Variants in PLEKHA7 observed in about 807,000 individuals in gnomAD.
The protein encoded by PLEKHA7 is pleckstrin homology domain-containing family A member 7.
A neutral mutation model predicts 170.0 loss-of-function variants in PLEKHA7; 104 were observed. The ratio of observed to expected loss-of-function variants is 0.61; its 90% CI spans 0.52 to 0.72. The LOEUF is 0.72. Ranked by LOEUF, PLEKHA7 falls within the 30% of genes least tolerant of loss-of-function variation. PLEKHA7 has a pLI of 0.00. For synonymous variants in PLEKHA7, 648 were observed against 660.8 expected (o/e 0.98, Z 0.30); for missense variants, 1,615 against 1,671.7 (o/e 0.97, Z 0.59).
intron 3 of PLEKHA7, among the ~76,000 whole-genome samples, chr11:16,918,776 C>T (rs1292485712): frequency 1.3e-5 from 2 of 152,100 alleles, no homozygotes; most frequent in African/African-American, 4.8e-5. Context: ...CACTTTTTTC[C>T]TTTAAATAGA....
At chr11:16,899,461 C>A (rs1031803429) in intron 3 of PLEKHA7, among the ~76,000 whole-genome samples, 4 of 152,184 alleles carry the variant, frequency 2.6e-5, no homozygotes, top group African/African-American at 9.7e-5. Context: ...CACGCCATTG[C>A]ACTCCAGCGC....
chr11:16,914,001 T>C (rs1265307685), intron 3 of PLEKHA7, among the ~76,000 whole-genome samples: 3 of 152,210 alleles, frequency 2.0e-5, no homozygotes, highest in Non-Finnish European at 4.4e-5. Flanking sequence ...GCAATCTAAA[T>C]GCCTAACTAT....
chr11:16,917,742 G>A (rs529893277), intron 3 of PLEKHA7, among the ~76,000 whole-genome samples: 3 of 152,296 alleles, frequency 2.0e-5, no homozygotes, highest in Admixed American at 6.5e-5. Context: ...ACAGGTTCTG[G>A]GTATTAGCAC....
At chr11:16,782,497 AC>A (rs1849110344) in intron 26 of PLEKHA7, among the ~76,000 whole-genome samples, 1 of 151,854 alleles carries the variant, frequency 6.6e-6, no homozygotes, top group African/African-American at 2.4e-5. Context: ...TCCTCCTGGG[AC>A]CTTTTTCCCC....
chr11:16,956,181 A>G (rs997963676), intron 3 of PLEKHA7, among the ~76,000 whole-genome samples: 1 of 152,068 alleles, frequency 6.6e-6, no homozygotes, highest in Non-Finnish European at 1.5e-5. Context: ...ACACATACGT[A>G]CCTATTTTGT....
chr11:16,942,362 C>T (rs1860753050), intron 3 of PLEKHA7, among the ~76,000 whole-genome samples: 1 of 152,178 alleles, frequency 6.6e-6, no homozygotes, highest in South Asian at 2.1e-4. Flanking sequence ...TGACATCCTG[C>T]CTCTGGTTTT....
Position 16,854,967 on chromosome 11 carries a change from G to A in PLEKHA7, c.444C>T (p.His148=). ...PKIIKSSSKV[H]SFGKRDQAIR... Reference sequence around the variant, plus strand: ...TGGCCTGGTCTCTCTTCCCAAAGCTGTGGACTTTACTGCTGGACTTTATGA... The same window carrying A: ...TGGCCTGGTCTCTCTTCCCAAAGCTATGGACTTTACTGCTGGACTTTATGA... Residue 148 remains histidine (H), a synonymous_variant, in exon 6 of 27, where the codon CAC becomes CAT. Transcript: ENST00000531066. 1 of 1,614,130 alleles carries A rather than the reference G, an allele frequency of 6.2e-7. No homozygotes were observed. Among genetic ancestry groups the A allele is most frequent in the Non-Finnish European group, 8.5e-7 (1 of 1,180,004 alleles).
chr11:16,891,070 C>CTCTAT (rs147769098), intron 3 of PLEKHA7, among the ~76,000 whole-genome samples: 65,566 of 149,726 alleles, frequency 0.44, 14,989 homozygotes, highest in Non-Finnish European at 0.52. Context: ...GACTATTATT[C>CTCTAT]TCTATTCTAT....
intron 3 of PLEKHA7, among the ~76,000 whole-genome samples, chr11:16,947,745 G>T (rs988577384): frequency 3.3e-5 from 5 of 151,358 alleles, no homozygotes; most frequent in Non-Finnish European, 2.9e-5. Flanking sequence ...GTGAAACCCC[G>T]TCTCTACTAA....
chr11:16,805,096 G>A (rs778986756), intron 13 of PLEKHA7, among the ~76,000 whole-genome samples: 2 of 152,180 alleles, frequency 1.3e-5, no homozygotes, highest in African/African-American at 2.4e-5. Flanking sequence ...TCTCCAAACC[G>A]GCTGACCTTT....
At chr11:16,850,035 A>G (rs1016359328) in intron 8 of PLEKHA7, among the ~76,000 whole-genome samples, 7 of 152,320 alleles carry the variant, frequency 4.6e-5, no homozygotes, top group African/African-American at 1.4e-4. Flanking sequence ...GTGTTGATAG[A>G]GACTCTCACT....
chr11:16,887,088 G>A (rs1856168681), intron 3 of PLEKHA7, among the ~76,000 whole-genome samples: 1 of 152,000 alleles, frequency 6.6e-6, no homozygotes. Context: ...AAACAATTCA[G>A]GATATGAAAG....
intron 8 of PLEKHA7, among the ~76,000 whole-genome samples, chr11:16,848,812 C>T (rs752596464): frequency 6.6e-6 from 1 of 152,054 alleles, no homozygotes; most frequent in African/African-American, 2.4e-5. Context: ...GAACTGTCTC[C>T]GACAAGGTAC....
chr11:16,878,346 C>A (rs1448142244), intron 3 of PLEKHA7, among the ~76,000 whole-genome samples: 2 of 152,176 alleles, frequency 1.3e-5, no homozygotes, highest in Non-Finnish European at 2.9e-5. Flanking sequence ...AAAATATAAG[C>A]TAGACCATGT....
In PLEKHA7 at chr11:16,802,920, A is replaced by G; in HGVS notation, c.2157+52T>C. ...GTCCAGCCTATGTCTCAAGAAAGAC[A>G]GGACAAAATGTCCCTCTGCCCATTC... On this transcript the variant is annotated intron_variant, in intron 15 of 26. Transcript: ENST00000531066. 3 of 1,417,652 alleles carry G rather than the reference A, an allele frequency of 2.1e-6. 1 individual carries two copies. Among genetic ancestry groups the G allele is most frequent in the South Asian group, 2.3e-5 (2 of 86,268 alleles). 87.8% of individuals were successfully genotyped at this position (1,417,652 alleles called of 1,614,324 possible). A position where few individuals can be genotyped will look rare whatever the true frequency, so the allele number is the denominator to read the frequency against.
intron 23 of PLEKHA7, chr11:16,787,303 C>G: frequency 1.1e-6 from 1 of 900,262 alleles, no homozygotes; most frequent in South Asian, 5.1e-5. Context: ...CCATCCACCT[C>G]AAAGCCCCAA....
chr11:16,829,017 T>C (rs1010280010), intron 9 of PLEKHA7, among the ~76,000 whole-genome samples: 2 of 152,140 alleles, frequency 1.3e-5, no homozygotes, highest in East Asian at 3.8e-4. Context: ...TCCTTCTTTT[T>C]TTTTTCACAG....
intron 3 of PLEKHA7, among the ~76,000 whole-genome samples, chr11:16,907,358 G>A (rs1398033855): frequency 1.0e-4 from 14 of 134,282 alleles, no homozygotes; most frequent in Non-Finnish European, 2.0e-4. Flanking sequence ...CCCTCTGCCC[G>A]GCCAGCCGCC....
intron 3 of PLEKHA7, among the ~76,000 whole-genome samples, chr11:16,972,272 C>T (rs1386228506): frequency 6.6e-6 from 1 of 152,098 alleles, no homozygotes; most frequent in Non-Finnish European, 1.5e-5. Flanking sequence ...CAAGCGCACA[C>T]CACCACACTC....
Sources: gnomAD v4.1 joint callset for allele counts (sites outside exome capture counted in the v4.1 genomes callset) on GRCh38, gnomAD v4.1.1 for gene constraint, MANE v1.5 for transcripts, NCBI Gene and HGNC (gene_info 2026-07-23, HGNC 2026-07-21) for gene names.